Variants in TTYH3 observed in about 807,000 individuals in gnomAD.
TTYH3 encodes protein tweety homolog 3.
Under a neutral mutation model 68.2 loss-of-function variants are expected in TTYH3, and 23 were observed. The ratio of observed to expected loss-of-function variants is 0.34; its 90% CI spans 0.24 to 0.48. The LOEUF (loss-of-function observed/expected upper bound fraction) is 0.48. Ranked by LOEUF, TTYH3 falls within the 20% of genes least tolerant of loss-of-function variation. The pLI, the probability that TTYH3 is intolerant of heterozygous loss-of-function variation, is 0.99. For missense variants in TTYH3, 768 were observed against 727.7 expected (o/e 1.06, Z -0.64); for synonymous variants, 360 against 332.8 (o/e 1.08, Z -0.89).
chr7:2,647,964 TG>T lies in TTYH3; in HGVS notation c.635del (p.Gly212AlafsTer67). On this transcript the variant is annotated frameshift_variant, in exon 5 of 14. Transcript: ENST00000258796. LOFTEE classifies it high-confidence loss of function. ...QVDLYDWYRW[L>X]GYLGLLLLDV... ...ACTCCCAGGTTTGCCTGCAGGTGGC[TG>T]GGCTACCTGGGCCTGCTGCTGCTGG... The T allele has an allele frequency of 6.2e-7, 1 of 1,608,160 alleles. No homozygotes were observed.
Position 2,649,596 on chromosome 7 carries a change from T to G in TTYH3, c.752T>G (p.Val251Gly). 6.3e-7 allele frequency: 1 copy of G among 1,597,336 alleles called. No individual in the cohort carries two copies. Among genetic ancestry groups the G allele is most frequent in the Non-Finnish European group, 8.5e-7 (1 of 1,176,954 alleles). Residue 251 changes from valine to glycine, a missense_variant, in exon 6 of 14, where the codon GTC becomes GGC. Physicochemically the swap from Val to Gly is moderately radical, Grantham distance 109 (BLOSUM62 -3). Transcript: ENST00000258796. ...TGCCTGCTGGGAGTCCTGGCCCTGG[T>G]CATCAGCTGGGGCGCGCTGGGCTTG... ...GVCLLGVLAL[V>G]ISWGALGLEL...
intron 1 of TTYH3, 113 bp downstream of exon 1, chr7:2,632,391 C>A: frequency 4.3e-6 from 5 of 1,158,294 alleles, no homozygotes; most frequent in Non-Finnish European, 5.8e-6. Context: ...ATCCCCCCCT[C>A]CAGGGTCACG....
Position 2,662,054 on chromosome 7 carries a change from C to T in TTYH3, c.*315C>T. 3.7e-6 allele frequency: 2 copies of T among 539,574 alleles called. No homozygotes were observed. Among genetic ancestry groups the T allele is most frequent in the Non-Finnish European group, 6.7e-6 (2 of 298,778 alleles). 33.4% of individuals were successfully genotyped at this position (539,574 alleles called of 1,614,324 possible). ...CGCACCTACAAGCCCTGGCCGCACC[C>T]AACCTGTGTTGTTGCCGCCCGGCCC... On this transcript the variant is annotated 3_prime_UTR_variant, in exon 14 of 14. Transcript: ENST00000258796.
chr7:2,650,909 C>G (rs1035929440), intron 7 of TTYH3, among the ~76,000 whole-genome samples: 1 of 151,868 alleles, frequency 6.6e-6, no homozygotes, highest in African/African-American at 2.4e-5. Context: ...GGCAGGACTT[C>G]CCGGTCAGTT....
chr7:2,638,235 G>A (rs999703397), intron 1 of TTYH3, among the ~76,000 whole-genome samples: 1 of 152,144 alleles, frequency 6.6e-6, no homozygotes, highest in Non-Finnish European at 1.5e-5. Context: ...GGTGCAGAGG[G>A]CTGCAGACAA....
At chr7:2,634,918 C>T (rs1320698519) in intron 1 of TTYH3, among the ~76,000 whole-genome samples, 1 of 152,130 alleles carries the variant, frequency 6.6e-6, no homozygotes, top group African/African-American at 2.4e-5. Context: ...CCGGATTCCC[C>T]CACGGCTGCC....
rs1021152584 is a variant in TTYH3, at chr7:2,661,957, G to A, written c.*218G>A. 4 of 608,350 alleles carry A rather than the reference G, an allele frequency of 6.6e-6. No individual in the cohort carries two copies. Among genetic ancestry groups the A allele is most frequent in the East Asian group, 5.5e-5 (2 of 36,242 alleles). The allele number at this position is 608,350 out of a possible 1,614,324, so 37.7% of individuals were successfully genotyped here. ...CCGCCAACTCGGGTCACACCTGAAC[G>A]CTGCTGCCAGCCGATGCCCCAGCCC... On this transcript the variant is annotated 3_prime_UTR_variant, in exon 14 of 14. Coordinates refer to ENST00000258796, the MANE Select transcript of TTYH3 (RefSeq NM_025250.3).
intron 11 of TTYH3, 31 bp downstream of exon 11, chr7:2,656,565 G>A (rs1786342183): frequency 1.9e-6 from 3 of 1,588,582 alleles, no homozygotes; most frequent in African/African-American, 1.4e-5. Context: ...GCAGGAGCTT[G>A]CCCCAGGCCA....
Position 2,663,890 on chromosome 7 carries a change from C to G in TTYH3, c.*2151C>G, listed in dbSNP as rs1000275121. On this transcript the variant is annotated 3_prime_UTR_variant, in exon 14 of 14. Coordinates refer to ENST00000258796, the MANE Select transcript of TTYH3 (RefSeq NM_025250.3). ...GAAACGGGGAAAATCAAAAGGGGTTCAAACCCCACCTCAGTAGGTGGAGGG... is the reference window on the plus strand; with the variant it reads ...GAAACGGGGAAAATCAAAAGGGGTTGAAACCCCACCTCAGTAGGTGGAGGG... 5 of 152,514 alleles carry G rather than the reference C, an allele frequency of 3.3e-5. No individual in the cohort carries two copies. The highest frequency in any genetic ancestry group is 7.3e-5 in the Non-Finnish European group (5 of 68,064). 9.4% of individuals were successfully genotyped at this position (152,514 alleles called of 1,614,324 possible). A position where few individuals can be genotyped will look rare whatever the true frequency, so the allele number is the denominator to read the frequency against.
intron 9 of TTYH3, 24 bp from the exon 10 acceptor site, chr7:2,656,068 C>T: frequency 2.0e-6 from 3 of 1,517,832 alleles, no homozygotes; most frequent in South Asian, 1.2e-5. Flanking sequence ...GAAGTGCTGA[C>T]CATCTGCGGT....
intron 5 of TTYH3, among the ~76,000 whole-genome samples, chr7:2,648,752 G>A (rs1249101800): frequency 3.3e-5 from 5 of 151,818 alleles, no homozygotes; most frequent in East Asian, 3.9e-4. Context: ...CTGCAGTAGG[G>A]TGGTGGGGGG....
intron 9 of TTYH3, among the ~76,000 whole-genome samples, chr7:2,654,199 A>G (rs1786270359): frequency 6.6e-6 from 1 of 152,208 alleles, no homozygotes; most frequent in African/African-American, 2.4e-5. Context: ...GTTCAAGACC[A>G]TCCTGGGCAA....
chr7:2,645,710 G>A lies in TTYH3; in HGVS notation c.124-1143G>A, dbSNP rs1176682299. The A allele has an allele frequency of 1.3e-5, 6 of 451,664 alleles. No individual in the cohort carries two copies. The highest frequency in any genetic ancestry group is 1.4e-4 in the East Asian group (2 of 14,224). 28.0% of individuals were successfully genotyped at this position (451,664 alleles called of 1,614,324 possible). On this transcript the variant is annotated intron_variant, in intron 1 of 13. Coordinates refer to ENST00000258796, the MANE Select transcript of TTYH3 (RefSeq NM_025250.3). The surrounding 1 kb of genome is among the most constrained non-coding windows in gnomAD (Gnocchi z 4.8). The stretch of plus-strand genomic sequence containing the variant: ...TGCCCACCCCTGAGTGCAGCTTCTC[G>A]GTGCACAGACCCCAGACAGGATCAG...
Position 2,653,009 on chromosome 7 carries a change from A to G in TTYH3, c.1019A>G (p.Lys340Arg). The G allele has an allele frequency of 6.4e-7, 1 of 1,567,066 alleles. No individual in the cohort carries two copies. Among genetic ancestry groups the G allele is most frequent in the Non-Finnish European group, 8.7e-7 (1 of 1,155,366 alleles). ...GTCCCCTGGGAGCAGCCGGCCACTAAGGTGAGGGGCTGCGGGGTAGGCACT... is the reference window on the plus strand; with the variant it reads ...GTCCCCTGGGAGCAGCCGGCCACTAGGGTGAGGGGCTGCGGGGTAGGCACT... ...RTVPWEQPAT[K>R]DPLLRVQEVL... The change falls in exon 9 of 14, where the codon AAG becomes AGG. Residue 340 changes from lysine to arginine, a missense_variant and splice_region_variant. Lys to Arg is a conservative substitution (Grantham distance 26). Coordinates refer to ENST00000258796, the MANE Select transcript of TTYH3 (RefSeq NM_025250.3).
rs770212234 is a variant in TTYH3, at chr7:2,647,445, C to A, written c.433C>A (p.His145Asn). The A allele has an allele frequency of 6.5e-7, 1 of 1,528,218 alleles. No homozygotes were observed. Among genetic ancestry groups the A allele is most frequent in the South Asian group, 1.2e-5 (1 of 83,610 alleles). 94.7% of individuals were successfully genotyped at this position (1,528,218 alleles called of 1,614,324 possible). Reference sequence around the variant, plus strand: ...GTGGGACACGGCGGTGGGGCTGAACCACACGGCGGAGCCCAGCCTGCAGAC... The same window carrying A: ...GTGGGACACGGCGGTGGGGCTGAACAACACGGCGGAGCCCAGCCTGCAGAC... Reference protein sequence around the residue: ...RVWDTAVGLNHTAEPSLQTLE... With the variant: ...RVWDTAVGLNNTAEPSLQTLE... The change falls in exon 4 of 14, where the codon CAC (histidine) becomes AAC (asparagine). Residue 145 changes from histidine (H) to asparagine (N), a missense_variant. His to Asn is a moderately conservative substitution (Grantham distance 68). Coordinates refer to ENST00000258796, the MANE Select transcript of TTYH3 (RefSeq NM_025250.3).
chr7:2,639,912 C>T (rs773525042), intron 1 of TTYH3, among the ~76,000 whole-genome samples: 12 of 152,166 alleles, frequency 7.9e-5, no homozygotes, highest in Non-Finnish European at 1.8e-4. Context: ...CCCTGCTCAC[C>T]GTGCCCCGTG....
Position 2,632,252 on chromosome 7 carries a change from C to T in TTYH3, c.97C>T (p.Arg33Trp). The change falls in exon 1 of 14, where the codon CGG (arginine) becomes TGG (tryptophan). Residue 33 changes from arginine (R) to tryptophan (W), a missense_variant. Coordinates refer to ENST00000258796, the MANE Select transcript of TTYH3 (RefSeq NM_025250.3). Reference sequence around the variant, plus strand: ...CTGGGAGGCCACTAGCAGCCAGTTCCGGCCCGAGGACACCGACTACCAGCA... The same window carrying T: ...CTGGGAGGCCACTAGCAGCCAGTTCTGGCCCGAGGACACCGACTACCAGCA... The part of the protein sequence containing the change: ...LSWEATSSQF[R>W]PEDTDYQQAL... 2 of 1,586,422 alleles carry T rather than the reference C, an allele frequency of 1.3e-6. No individual in the cohort carries two copies. The highest frequency in any genetic ancestry group is 1.3e-5 in the African/African-American group (1 of 74,504).
chr7:2,632,361 C>T (rs1044480112), intron 1 of TTYH3, 83 bp downstream of exon 1: 93 of 1,350,382 alleles, frequency 6.9e-5, no homozygotes, highest in Non-Finnish European at 8.7e-5. Context: ...CCCCCATCCC[C>T]GAGGGCCTAA....
At chr7:2,637,820 G>A (rs1033044593) in intron 1 of TTYH3, among the ~76,000 whole-genome samples, 2 of 152,170 alleles carry the variant, frequency 1.3e-5, no homozygotes, top group African/African-American at 2.4e-5. Context: ...CACACCATCC[G>A]AGGGGGCTTC....
Sources: allele counts gnomAD v4.1 joint callset (sites outside exome capture counted in the v4.1 genomes callset), GRCh38; gene constraint gnomAD v4.1.1; non-coding constraint Gnocchi (gnomAD v3.1); transcripts MANE v1.5; gene names NCBI Gene and HGNC (gene_info 2026-07-23, HGNC 2026-07-21).